The following BTD variants were observed in gnomAD, a reference collection of about 807,000 sequenced individuals.
The protein encoded by BTD is biocytinase.
In BTD, 13 loss-of-function variants were observed where a neutral mutation model predicts 17.7. That is an observed-to-expected ratio of 0.74 (90% CI 0.48 to 1.17). BTD has a LOEUF of 1.17. Among genes scored for constraint, BTD ranks in the 50% most tolerant of loss-of-function variants. The pLI, the probability that BTD is intolerant of heterozygous loss-of-function variation, is 0.00. For missense variants in BTD, 674 were observed against 650.4 expected (o/e 1.04, Z -0.39); for synonymous variants, 240 against 245.2 (o/e 0.98, Z 0.20).
intron 3 of BTD, chr3:15,677,411 A>G (rs1200484277): frequency 9.5e-6 from 11 of 1,162,954 alleles, no homozygotes; most frequent in Non-Finnish European, 1.4e-5. Context: ...CATTTTAGTG[A>G]AGTCAAAAAA....
chr3:15,672,934 CCTGG>C (rs569546189), intron 3 of BTD, among the ~76,000 whole-genome samples: 111 of 152,322 alleles, frequency 7.3e-4, no homozygotes, highest in South Asian at 3.1e-3. Flanking sequence ...TGCCACCACA[CCTGG>C]CTAATTTTTG....
At chr3:15,720,076 C>T (rs1280686556) in intron 4 of BTD, among the ~76,000 whole-genome samples, 1 of 151,968 alleles carries the variant, frequency 6.6e-6, no homozygotes, top group African/African-American at 2.4e-5. Flanking sequence ...GCTGTCCAGG[C>T]TAGTCCTGAA....
chr3:15,638,192 G>A (rs534194265), intron 2 of BTD, among the ~76,000 whole-genome samples: 16 of 152,146 alleles, frequency 1.1e-4, no homozygotes, highest in Admixed American at 9.2e-4. Context: ...ACATTTACAG[G>A]TGTAAATGCA....
intron 1 of BTD, among the ~76,000 whole-genome samples, chr3:15,630,913 G>T (rs1002323304): frequency 3.3e-5 from 5 of 152,068 alleles, no homozygotes; most frequent in Non-Finnish European, 7.4e-5. Flanking sequence ...CCAGGGGCCG[G>T]TCACGGACAA....
intron 2 of BTD, among the ~76,000 whole-genome samples, chr3:15,638,789 G>A (rs1358899744): frequency 1.3e-5 from 2 of 152,226 alleles, no homozygotes; most frequent in Non-Finnish European, 2.9e-5. Context: ...TATATGGTAT[G>A]GCCCATTGTT....
At chr3:15,662,666 G>A (rs2065936390) in intron 3 of BTD, among the ~76,000 whole-genome samples, 2 of 152,050 alleles carry the variant, frequency 1.3e-5, no homozygotes, top group South Asian at 4.1e-4. Flanking sequence ...GGCCATCCAT[G>A]TCTTGTTCCT....
chr3:15,677,630 G>A (rs141158545), intron 3 of BTD: 3 of 1,215,312 alleles, frequency 2.5e-6, no homozygotes, highest in Non-Finnish European at 3.5e-6. Flanking sequence ...ATAACTCACT[G>A]TAGAGAAATG....
chr3:15,707,943 T>C, intron 3 of BTD: 1 of 1,613,410 alleles, frequency 6.2e-7, no homozygotes, highest in Admixed American at 1.7e-5. Context: ...GTGTCTGATG[T>C]AGCTGCATAG....
chr3:15,712,498 T>A (rs921763093), exon 4 of BTD, among the ~76,000 whole-genome samples: 2 of 152,212 alleles, frequency 1.3e-5, no homozygotes, highest in Non-Finnish European at 2.9e-5. Flanking sequence ...GCTTACAGGC[T>A]GTTCAGCAGC....
At chr3:15,690,478 T>C (rs1575165745) in intron 3 of BTD, among the ~76,000 whole-genome samples, 2 of 152,230 alleles carry the variant, frequency 1.3e-5, no homozygotes, top group East Asian at 3.8e-4. Context: ...GAGTATACAA[T>C]GCTTGGCTCA....
chr3:15,689,965 A>G, intron 3 of BTD: 1 of 1,432,928 alleles, frequency 7.0e-7, no homozygotes, highest in South Asian at 1.4e-5. Context: ...TCAGAAATTG[A>G]AAAAAAGTAT....
chr3:15,686,102 G>C (rs1425515218), intron 3 of BTD: 1 of 1,613,248 alleles, frequency 6.2e-7, no homozygotes, highest in Non-Finnish European at 8.5e-7. Context: ...GTTGAGAACA[G>C]ATAGCATCAG....
downstream of BTD, among the ~76,000 whole-genome samples, chr3:15,714,087 C>A (rs940764698): frequency 2.0e-4 from 31 of 152,038 alleles, 1 homozygote; most frequent in Admixed American, 6.6e-4. Context: ...TTGGAATATG[C>A]CTTGGAAAAC....
intron 1 of BTD, chr3:15,602,251 C>T (rs2064284484): frequency 7.0e-6 from 9 of 1,279,968 alleles, no homozygotes; most frequent in Admixed American, 3.6e-5. Flanking sequence ...GATCCTGAAT[C>T]CTGTTTCCTA....
At chr3:15,680,075 T>G (rs2067378417) in intron 3 of BTD, among the ~76,000 whole-genome samples, 1 of 152,186 alleles carries the variant, frequency 6.6e-6, no homozygotes, top group South Asian at 2.1e-4. Flanking sequence ...AAACCAATCC[T>G]CAACAGCAAA....
At chr3:15,626,166 GT>G (rs1380426169) in intron 1 of BTD, among the ~76,000 whole-genome samples, 1 of 152,082 alleles carries the variant, frequency 6.6e-6, no homozygotes, top group Non-Finnish European at 1.5e-5. Context: ...TATTCCTGTT[GT>G]TATTCATCCA....
intron 3 of BTD, among the ~76,000 whole-genome samples, chr3:15,693,327 C>CAG (rs59750718): frequency 0.024 from 3,612 of 148,432 alleles, 134 homozygotes; most frequent in African/African-American, 0.079. Context: ...AATGGGGGGG[C>CAG]AGAGAGAGAG....
intron 3 of BTD, among the ~76,000 whole-genome samples, chr3:15,664,772 GAA>G (rs1253182010): frequency 6.6e-6 from 1 of 152,036 alleles, no homozygotes; most frequent in African/African-American, 2.4e-5. Flanking sequence ...AGGGTAAAGA[GAA>G]AGAAATATAA....
At chr3:15,656,300 T>G (rs908688350), downstream of BTD, among the ~76,000 whole-genome samples, 6 of 152,178 alleles carry the variant, frequency 3.9e-5, no homozygotes, top group Non-Finnish European at 7.3e-5. Flanking sequence ...CTTGGTTACC[T>G]GCACCCATTG....
Sources: gnomAD v4.1 joint callset for allele counts (sites outside exome capture counted in the v4.1 genomes callset) on GRCh38, gnomAD v4.1.1 for gene constraint, MANE v1.5 for transcripts, NCBI Gene and HGNC (gene_info 2026-07-23, HGNC 2026-07-21) for gene names.